The following TYW1 variants were observed in gnomAD, a reference collection of about 807,000 sequenced individuals.
TYW1 encodes tRNA-yW synthesizing protein 1 homolog.
In TYW1, 46 loss-of-function variants were observed where a neutral mutation model predicts 96.2. The observed-to-expected ratio is 0.48, with a 90% CI of 0.38 to 0.61. TYW1 has a LOEUF of 0.61. TYW1 is among the 20% of genes least tolerant of loss of function. TYW1 has a pLI of 0.00. For synonymous variants in TYW1, 274 were observed against 323.0 expected (o/e 0.85, Z 1.63); for missense variants, 684 against 909.6 (o/e 0.75, Z 3.19).
At chr7:67,167,341 C>T (rs71535637) in intron 13 of TYW1, among the ~76,000 whole-genome samples, 42,518 of 151,668 alleles carry the variant, frequency 0.28, 6,513 homozygotes, top group African/African-American at 0.4. Flanking sequence ...TGGTGGCACA[C>T]GCCTGTAATC....
intron 13 of TYW1, among the ~76,000 whole-genome samples, chr7:67,181,069 A>T (rs376020268): frequency 6.6e-6 from 1 of 151,608 alleles, no homozygotes; most frequent in Non-Finnish European, 1.5e-5. Context: ...TGATTTGCTC[A>T]TTCTGTTTTG....
chr7:67,103,132 G>A (rs13239412), intron 12 of TYW1, among the ~76,000 whole-genome samples: 68 of 151,596 alleles, frequency 4.5e-4, no homozygotes, highest in Non-Finnish European at 5.6e-4. Context: ...TTTGTTATCC[G>A]TTGAAATACC....
chr7:67,103,299 G>GA (rs2115887775), intron 12 of TYW1, among the ~76,000 whole-genome samples: 1 of 152,280 alleles, frequency 6.6e-6, no homozygotes, highest in African/African-American at 2.4e-5. Context: ...CCTGGCTTGG[G>GA]AATAATGTGT....
chr7:67,157,948 A>G (rs1032442642), intron 13 of TYW1, among the ~76,000 whole-genome samples: 2 of 152,156 alleles, frequency 1.3e-5, no homozygotes, highest in African/African-American at 4.8e-5. Flanking sequence ...TGTGATTTTG[A>G]TTAGTAAAGA....
intron 10 of TYW1, among the ~76,000 whole-genome samples, chr7:67,079,699 A>G (rs1331728888): frequency 2.0e-5 from 3 of 152,054 alleles, no homozygotes; most frequent in African/African-American, 7.2e-5. Flanking sequence ...GATATTTGAA[A>G]TGATTCTACA....
intron 13 of TYW1, among the ~76,000 whole-genome samples, chr7:67,174,740 A>G (rs900333217): frequency 5.9e-5 from 9 of 151,350 alleles, no homozygotes; most frequent in Non-Finnish European, 1.5e-5. Context: ...GTTATTCAAA[A>G]AATCTTACAA....
Position 67,039,962 on chromosome 7 carries a change from A to AT in TYW1, c.985-9975dup, listed in dbSNP as rs1234824700. Among the ~76,000 whole-genome samples the AT allele has an allele frequency of 1.1e-3, 144 of 135,572 alleles. 1 individual carries two copies. Among genetic ancestry groups the AT allele is most frequent in the East Asian group, 7.0e-3 (32 of 4,600 alleles). The allele number at this position is 135,572 out of a possible 152,430, so 88.9% of individuals were successfully genotyped here. On this transcript the variant is annotated intron_variant, in intron 7 of 15. Transcript: ENST00000359626. ...AAGCATGAGCCACCATGCCTGGTCT[A>AT]TTTTTTTTTTTTGAGATGGAGTCTC...
At chr7:67,188,181 G>C (rs1416955386) in intron 14 of TYW1, among the ~76,000 whole-genome samples, 3 of 152,054 alleles carry the variant, frequency 2.0e-5, no homozygotes, top group Non-Finnish European at 4.4e-5. Flanking sequence ...TTAGCTGGGC[G>C]TGGTGGCAGG....
At chr7:67,029,413 G>GTATATATA (rs1430069945) in intron 7 of TYW1, among the ~76,000 whole-genome samples, 110 of 93,470 alleles carry the variant, frequency 1.2e-3, no homozygotes, top group Non-Finnish European at 1.6e-3. Flanking sequence ...GTGTGTGTGT[G>GTATATATA]TGTATATATA....
intron 7 of TYW1, among the ~76,000 whole-genome samples, chr7:67,029,414 T>TATATATATATATATAC (rs1562973615): frequency 7.2e-6 from 1 of 138,376 alleles, no homozygotes; most frequent in Admixed American, 7.6e-5. Flanking sequence ...TGTGTGTGTG[T>TATATATATATATATAC]GTATATATAT....
chr7:67,229,826 C>T (rs1801690274), intron 15 of TYW1, among the ~76,000 whole-genome samples: 1 of 152,110 alleles, frequency 6.6e-6, no homozygotes, highest in Non-Finnish European at 1.5e-5. Flanking sequence ...TGGTGGCATG[C>T]ACTGTAGTCC....
chr7:67,080,921 T>G (rs1796365513), intron 10 of TYW1, among the ~76,000 whole-genome samples: 1 of 151,056 alleles, frequency 6.6e-6, no homozygotes, highest in Admixed American at 6.6e-5. Context: ...GTTTTGTATA[T>G]TGTTTTTGCT....
At chr7:67,222,126 G>A (rs28767482) in intron 15 of TYW1, among the ~76,000 whole-genome samples, 40,730 of 151,958 alleles carry the variant, frequency 0.27, 5,825 homozygotes, top group African/African-American at 0.36. Flanking sequence ...GAACCTGGGA[G>A]GTGGAAGTTG....
In TYW1 at chr7:67,167,140, A is replaced by G. The variant is rs182625438; in HGVS notation, c.1699-15986A>G. Among the ~76,000 whole-genome samples the G allele has an allele frequency of 6.6e-5, 10 of 152,240 alleles. 1 individual carries two copies. The highest frequency in any genetic ancestry group is 6.2e-4 in the South Asian group (3 of 4,820). On this transcript the variant is annotated intron_variant, in intron 13 of 15. Transcript: ENST00000359626. ...CCAACTTCAATGTAGTCAGTTTATC[A>G]GGTGTCTTTATCTGGTGAGTGCATT... is the stretch of plus-strand genomic sequence containing the variant.
chr7:67,072,609 A>G (rs1796063145), intron 10 of TYW1, among the ~76,000 whole-genome samples: 1 of 152,126 alleles, frequency 6.6e-6, no homozygotes, highest in Non-Finnish European at 1.5e-5. Flanking sequence ...GCAGAGAGAG[A>G]ACAATATATT....
intron 13 of TYW1, among the ~76,000 whole-genome samples, chr7:67,171,849 G>A (rs1799524464): frequency 6.6e-6 from 1 of 151,348 alleles, no homozygotes; most frequent in African/African-American, 2.4e-5. Flanking sequence ...AACCTTTTTT[G>A]TATCTTTATA....
intron 7 of TYW1, among the ~76,000 whole-genome samples, chr7:67,044,832 C>G (rs979130239): frequency 1.6e-4 from 25 of 152,238 alleles, no homozygotes; most frequent in African/African-American, 6.0e-4. Flanking sequence ...GTTGGCCAGA[C>G]TGGTCTCAAA....
At chr7:67,220,414 A>C (rs1801350593) in intron 15 of TYW1, among the ~76,000 whole-genome samples, 1 of 152,030 alleles carries the variant, frequency 6.6e-6, no homozygotes, top group South Asian at 2.1e-4. Context: ...CGTGTTAGCC[A>C]GGATAGTCTC....
intron 14 of TYW1, among the ~76,000 whole-genome samples, chr7:67,186,247 T>C (rs1354642633): frequency 3.0e-5 from 4 of 133,438 alleles, no homozygotes; most frequent in African/African-American, 1.2e-4. Context: ...CTCCCTTTTT[T>C]TCATTTCCTT....
Sources: gnomAD v4.1 joint callset for allele counts (sites outside exome capture counted in the v4.1 genomes callset) on GRCh38, gnomAD v4.1.1 for gene constraint, MANE v1.5 for transcripts, NCBI Gene and HGNC (gene_info 2026-07-23, HGNC 2026-07-21) for gene names.